Variants in FAM151B observed in about 807,000 individuals in gnomAD.
FAM151B encodes the protein protein FAM151B.
Under a neutral mutation model 31.2 loss-of-function variants are expected in FAM151B, and 24 were observed. That is an observed-to-expected ratio of 0.77 (90% CI 0.56 to 1.08). FAM151B has a LOEUF of 1.08. Ranked by LOEUF, FAM151B falls within the 50% of genes least tolerant of loss-of-function variation. The pLI is 0.00. For synonymous variants in FAM151B, 105 were observed against 111.4 expected (o/e 0.94, Z 0.36); for missense variants, 293 against 328.6 (o/e 0.89, Z 0.84).
At chr5:80,510,935 A>T (rs1286938940) in intron 2 of FAM151B, 1 of 152,244 alleles carries the variant, frequency 6.6e-6, no homozygotes, top group Admixed American at 6.5e-5. Flanking sequence ...ATAAGAAGAC[A>T]TGCCCTGGAG....
rs1183750249 is a variant in FAM151B at position 80,538,509 on chromosome 5, T to C, written c.672-3164T>C. Among the ~76,000 whole-genome samples the C allele has an allele frequency of 3.1e-4, 33 of 104,938 alleles. 1 individual carries two copies. The highest frequency in any genetic ancestry group is 1.2e-3 in the African/African-American group (29 of 23,962). The allele number at this position is 104,938 out of a possible 152,430, so 68.8% of individuals were successfully genotyped here. A position where few individuals can be genotyped will look rare whatever the true frequency, so the allele number is the denominator to read the frequency against. On this transcript the variant is annotated intron_variant, in intron 5 of 5. Coordinates refer to ENST00000282226, the MANE Select transcript of FAM151B (RefSeq NM_205548.3). ...TTCCTTCCTTCCTTCCTTTCTTTTC[T>C]TTCTTTCCTTCCTTCCTTCCTTCCT...
intron 2 of FAM151B, 101 bp downstream of exon 2, chr5:80,502,018 C>A: frequency 1.2e-6 from 1 of 828,722 alleles, no homozygotes; most frequent in Non-Finnish European, 1.7e-6. Context: ...GACAGGTGAT[C>A]CAAGTGTAAG....
At chr5:80,519,642 T>A in intron 3 of FAM151B, 51 bp from the exon 4 acceptor site, 1 of 1,520,406 alleles carries the variant, frequency 6.6e-7, no homozygotes, top group Non-Finnish European at 9.0e-7. Context: ...AAGAACTTCT[T>A]TTTACTTTAC....
chr5:80,520,399 C>G (rs1462766905), intron 4 of FAM151B, among the ~76,000 whole-genome samples: 1 of 151,948 alleles, frequency 6.6e-6, no homozygotes, highest in East Asian at 1.9e-4. Flanking sequence ...AATCACCACA[C>G]TTCGGGAGGC....
chr5:80,505,749 ATTTTTT>A (rs386404255), intron 2 of FAM151B, among the ~76,000 whole-genome samples: 3 of 77,882 alleles, frequency 3.9e-5, no homozygotes, highest in African/African-American at 5.8e-5. Context: ...TCCTATAAGA[ATTTTTT>A]TTTTTTTTTT....
At chr5:80,513,141 A>T (rs1252598828) in intron 2 of FAM151B, among the ~76,000 whole-genome samples, 1 of 152,308 alleles carries the variant, frequency 6.6e-6, no homozygotes, top group East Asian at 1.9e-4. Context: ...TGTTCAAAGG[A>T]TGTATGCTTT....
chr5:80,537,230 A>C (rs551927384), intron 5 of FAM151B, among the ~76,000 whole-genome samples: 1 of 152,282 alleles, frequency 6.6e-6, no homozygotes, highest in African/African-American at 2.4e-5. Flanking sequence ...TCGCTCCTGG[A>C]CTAATCAACC....
intron 5 of FAM151B, among the ~76,000 whole-genome samples, chr5:80,538,486 CCTTCCTTCCTTCCTTTCT>C (rs1580463796): frequency 2.4e-4 from 28 of 118,988 alleles, no homozygotes; most frequent in African/African-American, 8.5e-4. Flanking sequence ...TTCTTTCTTT[CCTTCCTTCCTTCCTTTCT>C]TTTCTTTCTT....
rs1561383251 is a variant in FAM151B, at chr5:80,538,420, CTTTCTTTCTTTCTTTCTTTCTTTCTT to C, written c.672-3251_672-3226del. On this transcript the variant is annotated intron_variant, in intron 5 of 5. Coordinates refer to ENST00000282226, the MANE Select transcript of FAM151B (RefSeq NM_205548.3). ...TCTTTCTTTCTTTCTTTCTTTCTTT[CTTTCTTTCTTTCTTTCTTTCTTTCTT>C]TCTCTTTCTTTCTTTCTTTCTTTCT... Among the ~76,000 whole-genome samples, 8 of 55,216 alleles carry C rather than the reference CTTTCTTTCTTTCTTTCTTTCTTTCTT, an allele frequency of 1.4e-4. No individual in the cohort carries two copies. In the South Asian group the frequency reaches 2.9e-3, roughly 20 times the overall value. 36.2% of individuals were successfully genotyped at this position (55,216 alleles called of 152,430 possible).
rs2112690570 is a variant in FAM151B, at chr5:80,542,263, C to T, written c.*431C>T. The T allele has an allele frequency of 6.5e-6, 1 of 154,796 alleles. No individual in the cohort carries two copies. Among genetic ancestry groups the T allele is most frequent in the East Asian group, 1.9e-4 (1 of 5,248 alleles). 9.6% of individuals were successfully genotyped at this position (154,796 alleles called of 1,614,324 possible). ...TAGAGATAACAAAAAAGGAAGAGGG[C>T]TTTTAAAATGTTTTTAATTTTCACA... On this transcript the variant is annotated 3_prime_UTR_variant, in exon 6 of 6. Coordinates refer to ENST00000282226, the MANE Select transcript of FAM151B (RefSeq NM_205548.3).
rs142388165 is a variant in FAM151B at position 80,496,783 on chromosome 5, T to A, written c.26-5009T>A. Among the ~76,000 whole-genome samples the A allele has an allele frequency of 5.1e-3, 766 of 149,360 alleles. 9 individuals are homozygous for A. The highest frequency in any genetic ancestry group is 0.017 in the African/African-American group (707 of 40,780). ...GAAGAGTGGGGATGATATGGGAACT[T>A]TGCTCTTTTTGCTTAATTTTTTTTT... On this transcript the variant is annotated intron_variant, in intron 1 of 5. Coordinates refer to ENST00000282226, the MANE Select transcript of FAM151B (RefSeq NM_205548.3).
intron 5 of FAM151B, among the ~76,000 whole-genome samples, chr5:80,526,814 C>T (rs1744994377): frequency 6.6e-6 from 1 of 151,882 alleles, no homozygotes. Flanking sequence ...CAGACAATGC[C>T]TGAGGACATT....
At chr5:80,533,490 C>T (rs1165309148) in intron 5 of FAM151B, among the ~76,000 whole-genome samples, 9 of 151,946 alleles carry the variant, frequency 5.9e-5, no homozygotes, top group Admixed American at 1.3e-4. Context: ...CAGTGTCTCA[C>T]GCCTGTAATC....
At chr5:80,515,828 G>A (rs1023454665) in intron 3 of FAM151B, among the ~76,000 whole-genome samples, 2 of 152,218 alleles carry the variant, frequency 1.3e-5, no homozygotes, top group African/African-American at 4.8e-5. Flanking sequence ...ATGAGGCAAT[G>A]GAGATGGAGG....
chr5:80,493,014 C>T (rs765243061), intron 1 of FAM151B, among the ~76,000 whole-genome samples: 18 of 152,254 alleles, frequency 1.2e-4, no homozygotes, highest in Non-Finnish European at 1.8e-4. Flanking sequence ...AAAAGCATTT[C>T]GAAAGCTGAG....
At chr5:80,500,587 A>T in intron 1 of FAM151B, 1 of 757,254 alleles carries the variant, frequency 1.3e-6, no homozygotes, top group Non-Finnish European at 2.4e-6. Flanking sequence ...TACCTGCAGA[A>T]CCCAAAATGG....
rs1745929840 is a variant in FAM151B at position 80,542,191 on chromosome 5, T to C, written c.*359T>C. The C allele has an allele frequency of 6.1e-6, 1 of 163,946 alleles. No individual in the cohort carries two copies. Among genetic ancestry groups the C allele is most frequent in the Non-Finnish European group, 1.3e-5 (1 of 76,250 alleles). 10.2% of individuals were successfully genotyped at this position (163,946 alleles called of 1,614,324 possible). ...CTTGGCACTTGCATTACAGAGATTATGAAAAATATGGTACTCTTTTCCTTT... is the reference window on the plus strand; with the variant it reads ...CTTGGCACTTGCATTACAGAGATTACGAAAAATATGGTACTCTTTTCCTTT... On this transcript the variant is annotated 3_prime_UTR_variant, in exon 6 of 6. Transcript: ENST00000282226.
intron 2 of FAM151B, among the ~76,000 whole-genome samples, chr5:80,513,068 T>C (rs893859519): frequency 1.3e-5 from 2 of 152,192 alleles, no homozygotes; most frequent in Non-Finnish European, 2.9e-5. Context: ...GGCAGCCATC[T>C]TGGAGTCAGT....
rs1432965831 is a variant in FAM151B, at chr5:80,533,708, C to G, written c.672-7965C>G. On this transcript the variant is annotated intron_variant, in intron 5 of 5. Transcript: ENST00000282226. Reference sequence around the variant, plus strand: ...GAGATTGCAGTGAGCCGAGATCACACCACTGCACTCCAGTCTGGGCAACAG... The same window carrying G: ...GAGATTGCAGTGAGCCGAGATCACAGCACTGCACTCCAGTCTGGGCAACAG... Among the ~76,000 whole-genome samples, 7 of 136,090 alleles carry G rather than the reference C, an allele frequency of 5.1e-5. 1 individual carries two copies. Among genetic ancestry groups the G allele is most frequent in the African/African-American group, 1.9e-4 (7 of 37,126 alleles). The allele number at this position is 136,090 out of a possible 152,430, so 89.3% of individuals were successfully genotyped here.
Sources: allele counts gnomAD v4.1 joint callset (sites outside exome capture counted in the v4.1 genomes callset), GRCh38; gene constraint gnomAD v4.1.1; transcripts MANE v1.5; gene names NCBI Gene and HGNC (gene_info 2026-07-23, HGNC 2026-07-21).